The following CCNY variants were observed in gnomAD, a reference collection of about 807,000 sequenced individuals.
CCNY encodes cyclin-Y.
Under a neutral mutation model 42.8 loss-of-function variants are expected in CCNY, and 19 were observed. The ratio of observed to expected loss-of-function variants is 0.44; its 90% confidence interval spans 0.31 to 0.65. The LOEUF (loss-of-function observed/expected upper bound fraction) is 0.65, where lower values mean the gene tolerates loss of function less well. Among genes scored for constraint, CCNY ranks in the 30% least tolerant of loss-of-function variants. The pLI is 0.07. For missense variants in CCNY, 370 were observed against 437.3 expected (o/e 0.85, Z 1.37); for synonymous variants, 165 against 162.7 (o/e 1.01, Z -0.11).
intron 7 of CCNY, among the ~76,000 whole-genome samples, chr10:35,544,762 T>A (rs115529211): frequency 3.3e-4 from 50 of 152,342 alleles, no homozygotes; most frequent in African/African-American, 1.1e-3. Context: ...CTGGGAATGC[T>A]AGGAGCCCTC....
At chr10:35,517,817 G>T (rs1840461284) in intron 4 of CCNY, among the ~76,000 whole-genome samples, 1 of 152,204 alleles carries the variant, frequency 6.6e-6, no homozygotes, top group Admixed American at 6.5e-5. Context: ...GCATGCCCTT[G>T]CCTGAGCCAC....
intron 1 of CCNY, among the ~76,000 whole-genome samples, chr10:35,443,691 G>T (rs1409627367): frequency 6.6e-6 from 1 of 152,198 alleles, no homozygotes; most frequent in African/African-American, 2.4e-5. Flanking sequence ...AATAAAGAAA[G>T]GAATATACTT....
At position 35,337,189 on chromosome 10, in the gene CCNY, G is replaced by T; in HGVS notation, c.136G>T (p.Asp46Tyr). Residue 46 changes from aspartate to tyrosine, a missense_variant, in exon 1 of 10, where the codon GAC (aspartate) becomes TAC (tyrosine). By Grantham distance (160) the Asp-to-Tyr change is radical (BLOSUM62 -3). Coordinates refer to ENST00000374704, the MANE Select transcript of CCNY (RefSeq NM_145012.6). ...DTGCNLQHISDRENIDDLNME... is the reference protein window; with the variant it reads ...DTGCNLQHISYRENIDDLNME... ...GGGCTGCAACCTGCAGCACATCAGC[G>T]ACCGGGAGAACATAGACGGTGAGTG... 4 of 1,562,162 alleles carry T rather than the reference G, an allele frequency of 2.6e-6. No individual in the cohort carries two copies. Among genetic ancestry groups the T allele is most frequent in the South Asian group, 2.4e-5 (2 of 84,728 alleles).
At chr10:35,280,478 A>AGAAGGAAGGAAGGAAG (rs144433317) in intron 3 of CCNY, among the ~76,000 whole-genome samples, 1 of 148,294 alleles carries the variant, frequency 6.7e-6, no homozygotes, top group Non-Finnish European at 1.5e-5. Flanking sequence ...AAGGAAGGAA[A>AGAAGGAAGGAAGGAAG]GAAGGAAGGA....
chr10:35,359,133 A>C (rs1231862986), intron 1 of CCNY, among the ~76,000 whole-genome samples: 7 of 152,124 alleles, frequency 4.6e-5, no homozygotes, highest in African/African-American at 1.7e-4. Context: ...ACTTCTTTGG[A>C]CTTGTAGTGT....
intron 1 of CCNY, among the ~76,000 whole-genome samples, chr10:35,345,831 G>T (rs908447578): frequency 4.7e-4 from 71 of 152,326 alleles, no homozygotes; most frequent in African/African-American, 1.7e-3. Flanking sequence ...ATTTGGAATA[G>T]AAATACTATT....
intron 1 of CCNY, among the ~76,000 whole-genome samples, chr10:35,339,448 CTA>C (rs895187711): frequency 1.2e-4 from 18 of 152,244 alleles, no homozygotes; most frequent in African/African-American, 4.1e-4. Flanking sequence ...CTATATACAT[CTA>C]TATGTCTGTA....
upstream of CCNY, among the ~76,000 whole-genome samples, chr10:35,332,644 AC>A (rs1835959011): frequency 2.0e-5 from 3 of 152,138 alleles, no homozygotes; most frequent in Admixed American, 6.5e-5. Context: ...TTGCTCTGTC[AC>A]CCAGGCTGGA....
At chr10:35,562,898 A>C (rs983431814) in intron 8 of CCNY, among the ~76,000 whole-genome samples, 9 of 151,010 alleles carry the variant, frequency 6.0e-5, no homozygotes, top group Admixed American at 1.3e-4. Flanking sequence ...TTAGAGTTCT[A>C]TTTTCAAGTT....
intron 3 of CCNY, among the ~76,000 whole-genome samples, chr10:35,251,861 T>A (rs1487523158): frequency 2.0e-5 from 3 of 152,138 alleles, no homozygotes; most frequent in Non-Finnish European, 4.4e-5. Context: ...ACTGCTAGGA[T>A]TGCAGGCATC....
chr10:35,486,775 T>G (rs567293482), intron 2 of CCNY, among the ~76,000 whole-genome samples: 1 of 152,362 alleles, frequency 6.6e-6, no homozygotes, highest in Admixed American at 6.5e-5. Context: ...ACTGAATCAC[T>G]TGCTTCCTCA....
intron 1 of CCNY, among the ~76,000 whole-genome samples, chr10:35,357,284 G>A (rs796982872): frequency 6.9e-6 from 1 of 144,602 alleles, no homozygotes; most frequent in Non-Finnish European, 1.5e-5. Flanking sequence ...TTATTTGCCT[G>A]TTGCTTGTGT....
intron 3 of CCNY, among the ~76,000 whole-genome samples, chr10:35,329,623 A>G (rs976358317): frequency 2.0e-5 from 3 of 152,198 alleles, no homozygotes; most frequent in African/African-American, 7.2e-5. Flanking sequence ...AGGACAAAGG[A>G]AAAGCATTGT....
At chr10:35,267,681 G>A (rs1388510300) in intron 3 of CCNY, among the ~76,000 whole-genome samples, 9 of 152,116 alleles carry the variant, frequency 5.9e-5, no homozygotes, top group African/African-American at 9.7e-5. Context: ...TCCAAGTATC[G>A]ATTCCCAGGA....
At chr10:35,509,433 G>A (rs902746776) in intron 3 of CCNY, among the ~76,000 whole-genome samples, 1 of 151,810 alleles carries the variant, frequency 6.6e-6, no homozygotes, top group Non-Finnish European at 1.5e-5. Flanking sequence ...CTTCCACCAC[G>A]CCCAGCTAAT....
chr10:35,344,398 T>C (rs1331815752), intron 1 of CCNY, among the ~76,000 whole-genome samples: 1 of 139,850 alleles, frequency 7.2e-6, no homozygotes, highest in Non-Finnish European at 1.6e-5. Context: ...TTAAAAATAC[T>C]GCCTTGCCTT....
At chr10:35,317,893 A>C (rs140920421) in intron 3 of CCNY, among the ~76,000 whole-genome samples, 80 of 152,346 alleles carry the variant, frequency 5.3e-4, no homozygotes, top group Non-Finnish European at 1.0e-3. Flanking sequence ...TGATCTACAC[A>C]ACCATTGTTA....
chr10:35,406,237 ATTTATTTT>A (rs1187979837), intron 1 of CCNY, among the ~76,000 whole-genome samples: 33 of 96,064 alleles, frequency 3.4e-4, no homozygotes, highest in African/African-American at 1.2e-3. Flanking sequence ...TTATTTATTT[ATTTATTTT>A]TTTATTGATC....
upstream of CCNY, among the ~76,000 whole-genome samples, chr10:35,332,021 C>T (rs891841165): frequency 3.9e-5 from 6 of 152,200 alleles, no homozygotes; most frequent in Admixed American, 3.9e-4. Context: ...AAATGAGTCA[C>T]CTGACTTGAT....
Sources: gnomAD v4.1 joint callset for allele counts (sites outside exome capture counted in the v4.1 genomes callset) on GRCh38, gnomAD v4.1.1 for gene constraint, MANE v1.5 for transcripts, NCBI Gene and HGNC (gene_info 2026-07-23, HGNC 2026-07-21) for gene names.